The following ADORA2B variants were observed in gnomAD, a reference collection of about 807,000 sequenced individuals.
ADORA2B encodes adenosine receptor A2b.
A neutral mutation model predicts 20.8 loss-of-function variants in ADORA2B; 18 were observed. The ratio of observed to expected loss-of-function variants is 0.87; its 90% CI spans 0.60 to 1.29. The LOEUF is 1.29. Ranked by LOEUF, ADORA2B falls within the 50% of genes most tolerant of loss-of-function variation. The pLI is 0.00. For missense variants in ADORA2B, 441 were observed against 422.7 expected, an observed-to-expected ratio of 1.04 and a Z score of -0.38; for synonymous variants, 179 against 178.3, an observed-to-expected ratio of 1.00 and a Z score of -0.03.
chr17:15,943,780 T>C (rs1048518280), upstream of ADORA2B, among the ~76,000 whole-genome samples: 30 of 152,320 alleles, frequency 2.0e-4, no homozygotes, highest in African/African-American at 7.2e-4. Context: ...CTTTACAAAA[T>C]CCTTTACCCT....
chr17:15,953,626 C>T (rs556278931), intron 1 of ADORA2B, among the ~76,000 whole-genome samples: 89 of 151,538 alleles, frequency 5.9e-4, no homozygotes, highest in Middle Eastern at 3.4e-3. Context: ...GTGGACATTT[C>T]GGCCTGTGTT....
chr17:15,853,433 T>C, the ADORA2B span, among the ~76,000 whole-genome samples: 19 of 152,240 alleles, frequency 1.2e-4, no homozygotes, highest in African/African-American at 3.6e-4. Context: ...AAGGCTGATA[T>C]AAAGAAAAGG....
the ADORA2B span, among the ~76,000 whole-genome samples, chr17:15,885,705 C>G: frequency 7.1e-6 from 1 of 141,686 alleles, no homozygotes; most frequent in Admixed American, 7.2e-5. Context: ...CAGAGCAAGA[C>G]TCCGTATCAA....
upstream of ADORA2B, among the ~76,000 whole-genome samples, chr17:15,943,355 C>T (rs1442270746): frequency 1.3e-5 from 2 of 152,142 alleles, no homozygotes; most frequent in Non-Finnish European, 2.9e-5. Flanking sequence ...CAGGGTCTCC[C>T]TCTTTTGCCC....
the ADORA2B span, among the ~76,000 whole-genome samples, chr17:15,937,074 G>A: frequency 4.6e-5 from 7 of 152,116 alleles, no homozygotes; most frequent in African/African-American, 1.4e-4. Context: ...TCTCCTGTAT[G>A]TGGGCCATAT....
chr17:15,904,233 G>GTCTCCCACCTCGT, the ADORA2B span, among the ~76,000 whole-genome samples: 1 of 151,890 alleles, frequency 6.6e-6, no homozygotes, highest in Admixed American at 6.6e-5. Flanking sequence ...TCCCACCTCG[G>GTCTCCCACCTCGT]TCTCCCAAAG....
the ADORA2B span, among the ~76,000 whole-genome samples, chr17:15,887,206 C>T: frequency 7.7e-6 from 1 of 130,166 alleles, no homozygotes; most frequent in African/African-American, 3.3e-5. Flanking sequence ...CATGGGAAGG[C>T]TCTTGCCCAC....
chr17:15,863,092 G>A, the ADORA2B span, among the ~76,000 whole-genome samples: 10 of 152,016 alleles, frequency 6.6e-5, no homozygotes, highest in East Asian at 3.9e-4. Context: ...GTTTATGTGC[G>A]CGAGATTTAA....
At chr17:15,914,440 A>G in the ADORA2B span, among the ~76,000 whole-genome samples, 1 of 152,248 alleles carries the variant, frequency 6.6e-6, no homozygotes, top group Middle Eastern at 3.4e-3. Flanking sequence ...TCTGGCCCCA[A>G]GTGATCCTCC....
At chr17:15,872,269 G>A in the ADORA2B span, among the ~76,000 whole-genome samples, 1 of 152,188 alleles carries the variant, frequency 6.6e-6, no homozygotes, top group Non-Finnish European at 1.5e-5. Flanking sequence ...TAAATATACA[G>A]TTTGGTTCCA....
At chr17:15,931,241 A>G in the ADORA2B span, among the ~76,000 whole-genome samples, 15 of 152,286 alleles carry the variant, frequency 9.8e-5, no homozygotes, top group African/African-American at 3.6e-4. Context: ...CCACCTGGAA[A>G]TTTCCCCTTG....
chr17:15,867,867 G>A, the ADORA2B span, among the ~76,000 whole-genome samples: 1 of 152,062 alleles, frequency 6.6e-6, no homozygotes, highest in Non-Finnish European at 1.5e-5. Context: ...CTGTCTGGGA[G>A]GTGTACTCAA....
the ADORA2B span, among the ~76,000 whole-genome samples, chr17:15,853,116 G>A: frequency 6.6e-6 from 1 of 151,922 alleles, no homozygotes; most frequent in Admixed American, 6.6e-5. Flanking sequence ...AGCACTCAAA[G>A]GGAAAAAAGA....
chr17:15,902,160 CATA>C, the ADORA2B span, among the ~76,000 whole-genome samples: 1 of 151,694 alleles, frequency 6.6e-6, no homozygotes, highest in Non-Finnish European at 1.5e-5. Context: ...TTTCACTCAG[CATA>C]ATGTTTTCAA....
chr17:15,904,833 T>C, the ADORA2B span, among the ~76,000 whole-genome samples: 8 of 152,232 alleles, frequency 5.3e-5, no homozygotes, highest in African/African-American at 1.9e-4. Context: ...GCTATTGACT[T>C]TCTGTACACC....
Position 15,953,235 on chromosome 17 carries a change from C to T in ADORA2B, c.335+7652C>T, listed in dbSNP as rs376417365. ...GGGACGGGCCAGGGAGCAGGCAGCTCGAGGAGGGCCTTGAGCTTGCTGAGG... is the reference window on the plus strand; with the variant it reads ...GGGACGGGCCAGGGAGCAGGCAGCTTGAGGAGGGCCTTGAGCTTGCTGAGG... On this transcript the variant is annotated intron_variant, in intron 1 of 1. Coordinates refer to ENST00000304222, the MANE Select transcript of ADORA2B (RefSeq NM_000676.4). Among the ~76,000 whole-genome samples the T allele has an allele frequency of 2.8e-3, 428 of 152,266 alleles. 1 individual carries two copies. The highest frequency in any genetic ancestry group is 9.6e-3 in the African/African-American group (401 of 41,570).
the ADORA2B span, among the ~76,000 whole-genome samples, chr17:15,909,274 CAAAA>C: frequency 6.6e-6 from 1 of 152,050 alleles, no homozygotes; most frequent in Admixed American, 6.6e-5. Flanking sequence ...AAAAAACACA[CAAAA>C]AAACACACAC....
the ADORA2B span, among the ~76,000 whole-genome samples, chr17:15,877,741 C>T: frequency 6.6e-6 from 1 of 152,028 alleles, no homozygotes; most frequent in Admixed American, 6.6e-5. Context: ...GCTTTGGCTG[C>T]TCTGTGAACA....
the ADORA2B span, among the ~76,000 whole-genome samples, chr17:15,863,825 A>G: frequency 2.6e-5 from 4 of 152,206 alleles, no homozygotes; most frequent in African/African-American, 9.6e-5. Context: ...TTAAAACAAA[A>G]TGTAGCAAAA....
Sources: gnomAD v4.1 joint callset for allele counts (sites outside exome capture counted in the v4.1 genomes callset) on GRCh38, gnomAD v4.1.1 for gene constraint, MANE v1.5 for transcripts, NCBI Gene and HGNC (gene_info 2026-07-23, HGNC 2026-07-21) for gene names.